The following SNX5 variants were observed in gnomAD, a reference collection of about 807,000 sequenced individuals.
SNX5 encodes the protein sorting nexin 5.
Under a neutral mutation model 53.9 loss-of-function variants are expected in SNX5, and 31 were observed. The ratio of observed to expected loss-of-function variants is 0.58; its 90% confidence interval spans 0.43 to 0.78. The LOEUF is 0.78. Ranked by LOEUF, SNX5 falls within the 30% of genes least tolerant of loss-of-function variation. SNX5 has a pLI of 0.00. For missense variants in SNX5, 471 were observed against 478.8 expected, an observed-to-expected ratio of 0.98 and a Z score of 0.15; for synonymous variants, 168 against 171.1, an observed-to-expected ratio of 0.98 and a Z score of 0.14.
chr20:17,964,744 T>C (rs1219072862), intron 1 of SNX5, among the ~76,000 whole-genome samples: 9 of 152,226 alleles, frequency 5.9e-5, no homozygotes, highest in Non-Finnish European at 1.2e-4. Context: ...TACTAACCTA[T>C]AGATCTGTTC....
At chr20:17,965,576 G>A (rs945118022) in intron 1 of SNX5, among the ~76,000 whole-genome samples, 21 of 151,850 alleles carry the variant, frequency 1.4e-4, no homozygotes, top group Non-Finnish European at 8.8e-5. Context: ...AGGCTGAGGT[G>A]GGGGTGATCA....
At chr20:17,960,543 G>A (rs755836155) in intron 1 of SNX5, among the ~76,000 whole-genome samples, 9 of 151,426 alleles carry the variant, frequency 5.9e-5, no homozygotes, top group Non-Finnish European at 8.8e-5. Flanking sequence ...GCAGTGAGCC[G>A]ACATCACGCG....
chr20:17,952,480 C>T, intron 5 of SNX5, 107 bp downstream of exon 5: 7 of 1,127,356 alleles, frequency 6.2e-6, no homozygotes, highest in Non-Finnish European at 8.6e-6. Context: ...AAAAAGGTTT[C>T]CATTGTGTAA....
At chr20:17,942,709 C>A in intron 12 of SNX5, 1 of 435,512 alleles carries the variant, frequency 2.3e-6, no homozygotes, top group Non-Finnish European at 4.1e-6. Flanking sequence ...TCTTAAGACA[C>A]TATCAGTGCG....
chr20:17,952,072 A>G (rs2039577823), intron 5 of SNX5, among the ~76,000 whole-genome samples: 1 of 152,110 alleles, frequency 6.6e-6, no homozygotes, highest in South Asian at 2.1e-4. Flanking sequence ...AAATACAAAA[A>G]ATAAGCCGGG....
chr20:17,953,153 G>T (rs1293697774), intron 4 of SNX5, among the ~76,000 whole-genome samples: 1 of 152,162 alleles, frequency 6.6e-6, no homozygotes, highest in African/African-American at 2.4e-5. Flanking sequence ...TAGAAACTTG[G>T]ATCTGTTGTG....
intron 1 of SNX5, among the ~76,000 whole-genome samples, chr20:17,966,579 T>C (rs773145871): frequency 6.6e-5 from 10 of 152,170 alleles, no homozygotes; most frequent in Non-Finnish European, 1.5e-4. Flanking sequence ...TTTTGCTGAA[T>C]TGGCCAAAAT....
intron 5 of SNX5, among the ~76,000 whole-genome samples, chr20:17,952,125 A>C (rs2039579027): frequency 6.6e-6 from 1 of 152,192 alleles, no homozygotes; most frequent in Non-Finnish European, 1.5e-5. Flanking sequence ...CGGGAGGCTG[A>C]GGCAGGAGAA....
intron 1 of SNX5, among the ~76,000 whole-genome samples, chr20:17,959,221 T>C (rs1203754709): frequency 2.6e-5 from 4 of 152,204 alleles, no homozygotes; most frequent in Admixed American, 6.5e-5. Flanking sequence ...TGGAGCTCAT[T>C]TGTGCACCAC....
rs933755956 is a variant in SNX5, at chr20:17,968,716, G to T, written c.-291C>A. On this transcript the variant is annotated 5_prime_UTR_variant, in exon 1 of 13. Coordinates refer to ENST00000377759, the MANE Select transcript of SNX5 (RefSeq NM_014426.4). ...GGGGCCTACCCTTGCTCCGCTCCAC[G>T]AGGAGGCCGCCAACCGCAGGGCCGC... 57 of 435,836 alleles carry T rather than the reference G, an allele frequency of 1.3e-4. 1 individual carries two copies. The highest frequency in any genetic ancestry group is 1.2e-3 in the Admixed American group (28 of 24,054). The allele number at this position is 435,836 out of a possible 1,614,324, so 27.0% of individuals were successfully genotyped here.
At chr20:17,955,683 C>A (rs1482252730) in intron 2 of SNX5, among the ~76,000 whole-genome samples, 2 of 152,238 alleles carry the variant, frequency 1.3e-5, no homozygotes, top group Non-Finnish European at 2.9e-5. Flanking sequence ...CTCCACCTTT[C>A]TGAAGCTTGT....
intron 1 of SNX5, among the ~76,000 whole-genome samples, chr20:17,964,229 C>T (rs567188110): frequency 6.6e-6 from 1 of 152,270 alleles, no homozygotes; most frequent in South Asian, 2.1e-4. Flanking sequence ...AAAGTGAAAA[C>T]CCTGACAAGG....
chr20:17,964,769 C>T (rs1054921146), intron 1 of SNX5, among the ~76,000 whole-genome samples: 4 of 152,152 alleles, frequency 2.6e-5, no homozygotes, highest in African/African-American at 7.2e-5. Context: ...CTAATTTGCT[C>T]GAGCATCAAG....
At chr20:17,952,778 T>C in intron 4 of SNX5, 68 bp from the exon 5 acceptor site, 1 of 1,570,686 alleles carries the variant, frequency 6.4e-7, no homozygotes, top group Non-Finnish European at 8.6e-7. Flanking sequence ...CCACTCCTGA[T>C]TAATTCTATG....
intron 11 of SNX5, chr20:17,944,188 G>A (rs1231092761): frequency 2.0e-5 from 3 of 152,180 alleles, no homozygotes. Flanking sequence ...GGATGAGGGT[G>A]GGGTGCTGGG....
intron 1 of SNX5, among the ~76,000 whole-genome samples, chr20:17,960,857 AT>A (rs1198731293): frequency 6.6e-6 from 1 of 152,144 alleles, no homozygotes; most frequent in East Asian, 1.9e-4. Flanking sequence ...CTATTTCAGA[AT>A]TTTTAAAAAA....
intron 5 of SNX5, 79 bp downstream of exon 5, chr20:17,952,508 A>G (rs1433586616): frequency 2.2e-6 from 3 of 1,361,112 alleles, no homozygotes; most frequent in Non-Finnish European, 2.0e-6. Context: ...AAAACTTTAA[A>G]GCAGTAGAAA....
intron 2 of SNX5, among the ~76,000 whole-genome samples, chr20:17,956,504 G>C (rs745595710): frequency 6.6e-6 from 1 of 152,090 alleles, no homozygotes; most frequent in Non-Finnish European, 1.5e-5. Flanking sequence ...TGAGGCACGT[G>C]CATCACCTGA....
chr20:17,953,754 G>C (rs890240030), intron 4 of SNX5, among the ~76,000 whole-genome samples: 4 of 152,142 alleles, frequency 2.6e-5, no homozygotes, highest in Non-Finnish European at 4.4e-5. Flanking sequence ...CTACATATGG[G>C]AAAAGACAAC....
Sources: allele counts gnomAD v4.1 joint callset (sites outside exome capture counted in the v4.1 genomes callset), GRCh38; gene constraint gnomAD v4.1.1; transcripts MANE v1.5; gene names NCBI Gene and HGNC (gene_info 2026-07-23, HGNC 2026-07-21).